UMODL1: variants seen among roughly 807,000 people sequenced by gnomAD.
The protein encoded by UMODL1 is uromodulin like 1, also known as uromodulin-like 1.
Under a neutral mutation model 136.3 loss-of-function variants are expected in UMODL1, and 128 were observed. That is an observed-to-expected ratio of 0.94 (90% CI 0.81 to 1.09). The LOEUF (loss-of-function observed/expected upper bound fraction) is 1.09. Among genes scored for constraint, UMODL1 ranks in the 50% least tolerant of loss-of-function variants. The pLI is 0.00. For missense variants in UMODL1, 1,766 were observed against 1,725.6 expected (o/e 1.02, Z -0.41); for synonymous variants, 721 against 720.0 (o/e 1.00, Z -0.02).
At chr21:42,089,589 C>T (rs220303) in intron 5 of UMODL1, among the ~76,000 whole-genome samples, 100,427 of 152,078 alleles carry the variant, frequency 0.66, 34,370 homozygotes, top group East Asian at 0.89. Context: ...TGGGTTTTGA[C>T]TGGGTGGTTT....
At chr21:42,129,923 C>A in intron 21 of UMODL1, 126 bp downstream of exon 21, 1 of 690,016 alleles carries the variant, frequency 1.4e-6, no homozygotes, top group Non-Finnish European at 2.3e-6. Flanking sequence ...AGAGGCTTAT[C>A]ATAACAGAAA....
chr21:42,066,353 G>A (rs1289054418), upstream of UMODL1, among the ~76,000 whole-genome samples: 1 of 152,194 alleles, frequency 6.6e-6, no homozygotes, highest in African/African-American at 2.4e-5. Flanking sequence ...CGCAATCTCG[G>A]CTCACTGCAA....
rs578036312 is a variant in UMODL1 at position 42,103,356 on chromosome 21, G to T, written c.1300-512G>T. The T allele has an allele frequency of 7.8e-4, 218 of 278,314 alleles. 4 individuals are homozygous for T. In the Admixed American group the frequency reaches 8.7e-3, roughly 11 times the overall value. The allele number at this position is 278,314 out of a possible 1,614,324, so 17.2% of individuals were successfully genotyped here. A position where few individuals can be genotyped will look rare whatever the true frequency, so the allele number is the denominator to read the frequency against. ...TCACTTGTGTGTGCAAGTATGGGTT[G>T]GCACAAAGGCAGGGAACCAGGCTGG... On this transcript the variant is annotated intron_variant, in intron 8 of 22. Coordinates refer to ENST00000408910, the MANE Select transcript of UMODL1 (RefSeq NM_001004416.3).
intron 5 of UMODL1, 79 bp from the exon 6 acceptor site, chr21:42,090,219 G>A: frequency 6.3e-7 from 1 of 1,588,016 alleles, no homozygotes; most frequent in Non-Finnish European, 8.6e-7. Flanking sequence ...AGTCCACAGA[G>A]GCCGTGTGTG....
chr21:42,069,229 AACACACACACACACACACACACAC>A (rs61712292), upstream of UMODL1, among the ~76,000 whole-genome samples: 2 of 136,304 alleles, frequency 1.5e-5, no homozygotes, highest in Non-Finnish European at 3.1e-5. Flanking sequence ...CACAGACAGA[AACACACACACACACACACACACAC>A]ACACACACAC....
chr21:42,065,478 T>A (rs1224868574), intron 1 of UMODL1, among the ~76,000 whole-genome samples: 1 of 151,708 alleles, frequency 6.6e-6, no homozygotes, highest in Non-Finnish European at 1.5e-5. Flanking sequence ...ATCTTCACTA[T>A]CTGGAAACAA....
intron 4 of UMODL1, among the ~76,000 whole-genome samples, chr21:42,086,083 G>C (rs549100628): frequency 2.6e-5 from 4 of 152,314 alleles, no homozygotes; most frequent in African/African-American, 9.6e-5. Context: ...CATCAGTCTC[G>C]GGAATCCCAG....
chr21:42,102,053 C>T (rs2066640855), intron 7 of UMODL1, 113 bp from the exon 8 acceptor site: 1 of 704,130 alleles, frequency 1.4e-6, no homozygotes, highest in African/African-American at 1.8e-5. Context: ...AAGATTCATG[C>T]CTCAATCTAT....
Position 42,109,669 on chromosome 21 carries a change from AC to A in UMODL1, c.1632del (p.Ser545ProfsTer12). ...CCAGTGCCGTACCACCAGGGACGCC[AC>A]CCCCTCCCGCGCAGGCCGGGCCTGT... ...TCQCRTTRDA[T>X]PSRAGRACEG... On this transcript the variant is annotated frameshift_variant, in exon 10 of 23. Coordinates refer to ENST00000408910, the MANE Select transcript of UMODL1 (RefSeq NM_001004416.3). LOFTEE classifies it high-confidence loss of function. 3 of 1,605,592 alleles carry A rather than the reference AC, an allele frequency of 1.9e-6. No homozygotes were observed. The highest frequency in any genetic ancestry group is 1.7e-6 in the Non-Finnish European group (2 of 1,179,812).
intron 7 of UMODL1, among the ~76,000 whole-genome samples, chr21:42,100,629 G>A (rs4919973): frequency 0.29 from 44,618 of 151,528 alleles, 6,613 homozygotes; most frequent in East Asian, 0.36. Context: ...AGGCCTGAGA[G>A]GCAGTTCCAT....
chr21:42,066,240 G>A (rs1353817447), intron 1 of UMODL1, among the ~76,000 whole-genome samples: 1 of 152,110 alleles, frequency 6.6e-6, no homozygotes, highest in East Asian at 1.9e-4. Flanking sequence ...TGAAAAGAAG[G>A]GAAGAGATTT....
intron 17 of UMODL1, among the ~76,000 whole-genome samples, chr21:42,124,029 C>T (rs932097385): frequency 1.3e-5 from 2 of 152,184 alleles, no homozygotes; most frequent in African/African-American, 4.8e-5. Context: ...TGGGCCAGTG[C>T]GTCCTGGGTC....
chr21:42,077,005 GTGTGTGTGTGTGTGT>G (rs2066300776), intron 2 of UMODL1, among the ~76,000 whole-genome samples: 1 of 4,420 alleles, frequency 2.3e-4, no homozygotes, highest in African/African-American at 1.1e-3. Flanking sequence ...GGGGAGGGGT[GTGTGTGTGTGTGTGT>G]GTGTGTGTGT....
At chr21:42,071,992 G>A (rs2066237231) in intron 1 of UMODL1, among the ~76,000 whole-genome samples, 2 of 152,000 alleles carry the variant, frequency 1.3e-5, no homozygotes, top group Non-Finnish European at 2.9e-5. Context: ...AGGCTGCAGT[G>A]AGCTAAGATT....
intron 22 of UMODL1, among the ~76,000 whole-genome samples, chr21:42,139,024 C>T (rs749135581): frequency 1.4e-4 from 22 of 152,048 alleles, no homozygotes; most frequent in Non-Finnish European, 2.6e-4. Flanking sequence ...AAAAATAAGC[C>T]GGGTGTGGTG....
At position 42,085,267 on chromosome 21, in the gene UMODL1, T is replaced by G; in HGVS notation, c.482-24T>G. 6.2e-7 allele frequency: 1 copy of G among 1,611,980 alleles called. No individual in the cohort carries two copies. Among genetic ancestry groups the G allele is most frequent in the Non-Finnish European group, 8.5e-7 (1 of 1,178,652 alleles). On this transcript the variant is annotated intron_variant, in intron 3 of 22. Transcript: ENST00000408910. The surrounding 1 kb of genome is among the most constrained non-coding windows in gnomAD (Gnocchi z 4.5). ...ACTTCAACCTGTCCTGGGTCCATAATCATCAGTGTTTTCCCTTGTGTAGCT... is the reference window on the plus strand; with the variant it reads ...ACTTCAACCTGTCCTGGGTCCATAAGCATCAGTGTTTTCCCTTGTGTAGCT...
At chr21:42,067,010 T>G (rs1447234973), upstream of UMODL1, among the ~76,000 whole-genome samples, 1 of 150,834 alleles carries the variant, frequency 6.6e-6, no homozygotes, top group Non-Finnish European at 1.5e-5. Flanking sequence ...AGTCTCGCTC[T>G]GTCCTCCAGG....
intron 4 of UMODL1, among the ~76,000 whole-genome samples, chr21:42,086,857 T>C (rs968831405): frequency 3.9e-5 from 6 of 152,190 alleles, no homozygotes; most frequent in African/African-American, 1.2e-4. Flanking sequence ...TCCCAGCTAC[T>C]GGGGAGGCTG....
At chr21:42,080,844 G>A (rs1215357689) in intron 2 of UMODL1, among the ~76,000 whole-genome samples, 1 of 152,210 alleles carries the variant, frequency 6.6e-6, no homozygotes, top group Non-Finnish European at 1.5e-5. Flanking sequence ...TCATGCCTGT[G>A]AACATGACTC....
Sources: gnomAD v4.1 joint callset for allele counts (sites outside exome capture counted in the v4.1 genomes callset) on GRCh38, gnomAD v4.1.1 for gene constraint, Gnocchi (gnomAD v3.1) non-coding constraint, MANE v1.5 for transcripts, NCBI Gene and HGNC (gene_info 2026-07-23, HGNC 2026-07-21) for gene names.